NPRL3: variants seen among roughly 807,000 people sequenced by gnomAD.
NPRL3 encodes the protein NPR3 like, GATOR1 complex subunit, also known as GATOR1 complex protein NPRL3.
A neutral mutation model predicts 57.2 loss-of-function variants in NPRL3; 23 were observed. The ratio of observed to expected loss-of-function variants is 0.40; its 90% CI spans 0.29 to 0.57. The LOEUF (loss-of-function observed/expected upper bound fraction) is 0.57, where lower values mean the gene tolerates loss of function less well. NPRL3 is among the 20% of genes least tolerant of loss of function. The probability of loss-of-function intolerance (pLI) is 0.42; values close to 1 mark genes in which losing one functional copy is unlikely to be tolerated. For missense variants in NPRL3, 691 were observed against 767.1 expected, an observed-to-expected ratio of 0.90 and a Z score of 1.17; for synonymous variants, 333 against 321.1, an observed-to-expected ratio of 1.04 and a Z score of -0.39.
At chr16:97,050 G>A (rs116901680) in intron 9 of NPRL3, among the ~76,000 whole-genome samples, 3,310 of 152,258 alleles carry the variant, frequency 0.022, 53 homozygotes, top group Non-Finnish European at 0.036. Flanking sequence ...TGTGTTCCTC[G>A]GCAGCCTCTG....
intron 2 of NPRL3, among the ~76,000 whole-genome samples, chr16:131,998 T>G (rs1900830006): frequency 8.2e-6 from 1 of 122,206 alleles, no homozygotes; most frequent in Non-Finnish European, 1.8e-5. Flanking sequence ...AGAAGCTACT[T>G]TCTTTCTTTC....
chr16:111,742 C>T lies in NPRL3; in HGVS notation c.547+880G>A, dbSNP rs545793391. Among the ~76,000 whole-genome samples the T allele has an allele frequency of 6.6e-5, 10 of 152,268 alleles. No individual in the cohort carries two copies. The South Asian group carries it at 8.3e-4, about 13-fold the overall frequency. On this transcript the variant is annotated intron_variant, in intron 6 of 13. Transcript: ENST00000611875. ...TGCTGGGATTACAGGCATGAGCCAC[C>T]GCAGCCAGCCACAGGTAAATTTGTA...
intron 5 of NPRL3, 78 bp downstream of exon 5, chr16:117,223 G>T: frequency 9.8e-7 from 1 of 1,022,526 alleles, no homozygotes; most frequent in South Asian, 1.4e-5. Context: ...CCGAGTCAAT[G>T]ACACGCTCGT....
chr16:124,882 G>C (rs1487503945), intron 3 of NPRL3: 1 of 152,280 alleles, frequency 6.6e-6, no homozygotes, highest in Non-Finnish European at 1.5e-5. Flanking sequence ...TTCGAGACCA[G>C]CCTGGCCAAC....
At chr16:124,470 G>C (rs1238331990) in intron 3 of NPRL3, among the ~76,000 whole-genome samples, 2 of 151,938 alleles carry the variant, frequency 1.3e-5, no homozygotes, top group Admixed American at 1.3e-4. Flanking sequence ...CAAAGTACTG[G>C]GATTACAGGC....
At chr16:110,436 CG>C in intron 7 of NPRL3, 88 bp downstream of exon 7, 1 of 1,008,144 alleles carries the variant, frequency 9.9e-7, no homozygotes, top group Non-Finnish European at 1.5e-6. Context: ...TGGTCAGTAC[CG>C]GGGAGCCCTA....
At position 86,329 on chromosome 16, in the gene NPRL3, T is replaced by C. The variant is rs1450905894; in HGVS notation, c.*376A>G. 4.6e-6 allele frequency: 1 copy of C among 216,174 alleles called. No individual in the cohort carries two copies. The highest frequency in any genetic ancestry group is 9.3e-6 in the Non-Finnish European group (1 of 107,546). The allele number at this position is 216,174 out of a possible 1,614,324, so 13.4% of individuals were successfully genotyped here. On this transcript the variant is annotated 3_prime_UTR_variant, in exon 14 of 14. Transcript: ENST00000611875. ...CACATTCTTCAGGGTGGCCACAGAC[T>C]GGGGGGTCCAAGGAGCAGGTGTAGG... is the stretch of plus-strand genomic sequence containing the variant.
intron 3 of NPRL3, among the ~76,000 whole-genome samples, chr16:121,809 T>C (rs1900293395): frequency 6.6e-6 from 1 of 152,076 alleles, no homozygotes; most frequent in African/African-American, 2.4e-5. Flanking sequence ...AGTCTTGCTC[T>C]TGTCCCCCAG....
chr16:100,302 G>A (rs1899221250), intron 8 of NPRL3, 70 bp downstream of exon 8: 2 of 1,377,470 alleles, frequency 1.5e-6, no homozygotes, highest in African/African-American at 3.0e-5. Flanking sequence ...AAAGTAAGTG[G>A]TAAAATCTCA....
At chr16:87,576 C>G (rs1327951159) in intron 13 of NPRL3, among the ~76,000 whole-genome samples, 4 of 150,892 alleles carry the variant, frequency 2.7e-5, no homozygotes, top group African/African-American at 9.8e-5. Flanking sequence ...CTCTGCTGCC[C>G]AGGCTGGAGG....
At chr16:134,695 T>TTATTA (rs1555445806) in intron 2 of NPRL3, among the ~76,000 whole-genome samples, 3 of 77,648 alleles carry the variant, frequency 3.9e-5, no homozygotes, top group African/African-American at 4.0e-5. Context: ...ATTATTATTA[T>TTATTA]TTTTTTTTTT....
intron 3 of NPRL3, 59 bp from the exon 4 acceptor site, chr16:119,314 C>T: frequency 6.6e-7 from 1 of 1,521,400 alleles, no homozygotes; most frequent in Non-Finnish European, 8.9e-7. Flanking sequence ...AGCACCATGC[C>T]CTGCTGGCCC....
In NPRL3 at chr16:86,545, G is replaced by C; in HGVS notation, c.*160C>G. ...CGGAACCACCAGGGGCAAGGACAGCGGGGCTCTGCAGGCTTCACTGGGCCA... is the reference window on the plus strand; with the variant it reads ...CGGAACCACCAGGGGCAAGGACAGCCGGGCTCTGCAGGCTTCACTGGGCCA... On this transcript the variant is annotated 3_prime_UTR_variant, in exon 14 of 14. Coordinates refer to ENST00000611875, the MANE Select transcript of NPRL3 (RefSeq NM_001077350.3). The C allele has an allele frequency of 1.5e-6, 1 of 674,424 alleles. No homozygotes were observed. Among genetic ancestry groups the C allele is most frequent in the Non-Finnish European group, 2.5e-6 (1 of 405,928 alleles). 41.8% of individuals were successfully genotyped at this position (674,424 alleles called of 1,614,324 possible). A position where few individuals can be genotyped will look rare whatever the true frequency, so the allele number is the denominator to read the frequency against.
intron 2 of NPRL3, among the ~76,000 whole-genome samples, chr16:136,561 G>A (rs1345633451): frequency 5.3e-5 from 8 of 151,790 alleles, no homozygotes; most frequent in African/African-American, 9.7e-5. Flanking sequence ...GCATGGTGGC[G>A]CATGCCTGTA....
At position 86,474 on chromosome 16, in the gene NPRL3, A is replaced by C; in HGVS notation, c.*231T>G. 1.9e-6 allele frequency: 1 copy of C among 517,124 alleles called. No individual in the cohort carries two copies. Among genetic ancestry groups the C allele is most frequent in the Non-Finnish European group, 3.5e-6 (1 of 287,542 alleles). 32.0% of individuals were successfully genotyped at this position (517,124 alleles called of 1,614,324 possible). ...CGTGGAGATGCCTACGCGTGCGGCA[A>C]GGACTGGAGGGAAGCGTAGGAACAC... On this transcript the variant is annotated 3_prime_UTR_variant, in exon 14 of 14. Transcript: ENST00000611875.
chr16:90,199 C>T (rs1596497050), intron 11 of NPRL3: 1 of 402,746 alleles, frequency 2.5e-6, no homozygotes, highest in Non-Finnish European at 4.4e-6. Context: ...GACGTGGAGG[C>T]CCCTGTGACT....
In NPRL3 at chr16:88,832, T is replaced by C. The variant is rs998971466; in HGVS notation, c.1410A>G (p.Leu470=). 1.9e-6 allele frequency: 3 copies of C among 1,613,728 alleles called. No homozygotes were observed. The highest frequency in any genetic ancestry group is 1.1e-5 in the South Asian group (1 of 91,056). ...SPSMDNSSAE[L]LPSGDSPLNQ... ...TCAGTGGCGAGTCCCCGCTGGGAAG[T>C]AGCTCTGCGCTGGAGTTGTCCATGC... is the stretch of plus-strand genomic sequence containing the variant. The change falls in exon 13 of 14, where the codon CTA becomes CTG. Residue 470 remains leucine, a synonymous_variant. Transcript: ENST00000611875.
intron 7 of NPRL3, among the ~76,000 whole-genome samples, chr16:104,999 G>A (rs191051864): frequency 2.1e-4 from 32 of 152,284 alleles, no homozygotes; most frequent in African/African-American, 7.5e-4. Context: ...GCCCTGAAAG[G>A]TTTCCTGCCG....
At chr16:98,781 T>C (rs1596506409) in intron 8 of NPRL3, among the ~76,000 whole-genome samples, 1 of 151,868 alleles carries the variant, frequency 6.6e-6, no homozygotes. Context: ...CTACTAAAAA[T>C]AAAAAAATTA....
Sources: gnomAD v4.1 joint callset for allele counts (sites outside exome capture counted in the v4.1 genomes callset) on GRCh38, gnomAD v4.1.1 for gene constraint, MANE v1.5 for transcripts, NCBI Gene and HGNC (gene_info 2026-07-23, HGNC 2026-07-21) for gene names.